Variants in PIN4 observed in about 807,000 individuals in gnomAD.
The protein encoded by PIN4 is peptidylprolyl cis/trans isomerase, NIMA-interacting 4.
A neutral mutation model predicts 8.3 loss-of-function variants in PIN4; 3 were observed. The ratio of observed to expected loss-of-function variants is 0.36; its 90% CI spans 0.16 to 0.93. The LOEUF (loss-of-function observed/expected upper bound fraction) is 0.93. Ranked by LOEUF, PIN4 falls within the 40% of genes least tolerant of loss-of-function variation. The probability of loss-of-function intolerance (pLI) is 0.44; values close to 1 mark genes in which losing one functional copy is unlikely to be tolerated. For synonymous variants in PIN4, 18 were observed against 32.5 expected, an observed-to-expected ratio of 0.55 and a Z score of 1.52; for missense variants, 75 against 100.6, an observed-to-expected ratio of 0.75 and a Z score of 1.09.
At chrX:72,214,987 AAAAC>A (rs58333692) in intron 3 of PIN4, among the ~76,000 whole-genome samples, 4 of 111,863 alleles carry the variant, frequency 3.6e-5, no homozygotes, top group South Asian at 3.7e-4. Context: ...ACTCTGACTC[AAAAC>A]AAACAAACAA....
chrX:72,184,829 A>G (rs2042690996), intron 1 of PIN4, among the ~76,000 whole-genome samples: 1 of 111,159 alleles, frequency 9.0e-6, no homozygotes, highest in African/African-American at 3.3e-5. Flanking sequence ...GACAAGCAAG[A>G]TGGAGACTCT....
intron 3 of PIN4, among the ~76,000 whole-genome samples, chrX:72,245,480 A>G (rs1340627487): frequency 8.9e-6 from 1 of 111,812 alleles, no homozygotes; most frequent in African/African-American, 3.2e-5. Flanking sequence ...AACAGTAAGA[A>G]TTTGTGTTTC....
At chrX:72,229,198 T>C (rs1267402646) in intron 3 of PIN4, among the ~76,000 whole-genome samples, 1 of 111,681 alleles carries the variant, frequency 9.0e-6, no homozygotes, top group Non-Finnish European at 1.9e-5. Flanking sequence ...AATCTCCCTG[T>C]AGGATCCTTA....
At chrX:72,245,100 A>G (rs1237811538) in intron 3 of PIN4, among the ~76,000 whole-genome samples, 1 of 94,351 alleles carries the variant, frequency 1.1e-5, no homozygotes, top group Non-Finnish European at 2.1e-5. Context: ...AAAAAAAAAA[A>G]GGAGCCGAGA....
intron 3 of PIN4, chrX:72,262,614 C>A: frequency 1.9e-6 from 1 of 513,747 alleles, no homozygotes; most frequent in Admixed American, 3.3e-5. Context: ...TGTCAAGACC[C>A]CATGCAGACA....
chrX:72,238,626 A>C (rs2147608987), intron 3 of PIN4, among the ~76,000 whole-genome samples: 1 of 112,754 alleles, frequency 8.9e-6, no homozygotes, highest in African/African-American at 3.2e-5. Flanking sequence ...CTGGAGGGTC[A>C]TTTGCCCAAA....
intron 3 of PIN4, among the ~76,000 whole-genome samples, chrX:72,244,947 G>A (rs911186304): frequency 3.8e-5 from 4 of 105,420 alleles, no homozygotes; most frequent in Admixed American, 3.1e-4. Flanking sequence ...GGTGGTGTGT[G>A]CTGTAGTCCT....
chrX:72,194,623 A>T (rs2042754041), intron 2 of PIN4, among the ~76,000 whole-genome samples: 1 of 107,100 alleles, frequency 9.3e-6, no homozygotes, highest in South Asian at 4.2e-4. Context: ...ACTCACTTGA[A>T]CTAAGGAGGG....
At chrX:72,232,883 G>A (rs961356559) in intron 3 of PIN4, among the ~76,000 whole-genome samples, 17 of 108,947 alleles carry the variant, frequency 1.6e-4, no homozygotes, top group African/African-American at 5.4e-4. Flanking sequence ...CAGGTGGATC[G>A]CTTGAGACTA....
chrX:72,243,862 C>G (rs2043058592), intron 3 of PIN4, among the ~76,000 whole-genome samples: 1 of 112,289 alleles, frequency 8.9e-6, no homozygotes. Context: ...ATACTATTAT[C>G]ATCCTCCTTT....
chrX:72,185,929 C>T (rs1004063955), intron 1 of PIN4, among the ~76,000 whole-genome samples: 1 of 112,365 alleles, frequency 8.9e-6, no homozygotes, highest in African/African-American at 3.2e-5. Context: ...GGAGTCTGCC[C>T]TCAGAAGGCA....
intron 2 of PIN4, among the ~76,000 whole-genome samples, chrX:72,193,567 A>T (rs1426623741): frequency 1.8e-5 from 2 of 111,509 alleles, no homozygotes; most frequent in African/African-American, 6.5e-5. Context: ...AAAAAATTTT[A>T]AATAGAAAAA....
intron 3 of PIN4, among the ~76,000 whole-genome samples, chrX:72,247,992 C>T (rs1232797833): frequency 2.7e-5 from 3 of 111,349 alleles, no homozygotes; most frequent in Admixed American, 9.6e-5. Context: ...GATCTTAGAA[C>T]CATGTCTTCC....
downstream of PIN4, among the ~76,000 whole-genome samples, chrX:72,202,881 C>T (rs1045402045): frequency 9.0e-6 from 1 of 111,420 alleles, no homozygotes; most frequent in Admixed American, 9.6e-5. Flanking sequence ...TGGTCTTTGT[C>T]CCTGGTTCCT....
intron 3 of PIN4, among the ~76,000 whole-genome samples, chrX:72,232,274 A>T (rs1602452016): frequency 5.4e-5 from 2 of 36,782 alleles, no homozygotes; most frequent in African/African-American, 3.9e-4. Context: ...AAGGAGTATT[A>T]AAAAAAAAAA....
In PIN4 at chrX:72,196,861, A is replaced by G. The variant is rs2042768987; in HGVS notation, c.194A>G (p.Asn65Ser). The G allele has an allele frequency of 8.3e-7, 1 of 1,204,957 alleles. No homozygotes were observed. The highest frequency in any genetic ancestry group is 1.1e-6 in the Non-Finnish European group (1 of 890,607). ...MEKLKSGMRF[N>S]EVAAQYSEDK... is the part of the protein sequence containing the mutation. Reference sequence around the variant, plus strand: ...AAGTTAAAGTCTGGGATGAGATTCAATGAAGTGGCCGCACAGTATAGTGAA... The same window carrying G: ...AAGTTAAAGTCTGGGATGAGATTCAGTGAAGTGGCCGCACAGTATAGTGAA... Residue 65 changes from asparagine (N) to serine (S), a missense_variant, in exon 3 of 4, where the codon AAT becomes AGT. Coordinates refer to ENST00000373669, the MANE Select transcript of PIN4 (RefSeq NM_006223.4).
intron 3 of PIN4, among the ~76,000 whole-genome samples, chrX:72,245,204 G>T (rs2043063683): frequency 9.2e-6 from 1 of 109,131 alleles, no homozygotes; most frequent in Admixed American, 9.9e-5. Context: ...AGGCTGGAGT[G>T]CAGTGGTGTG....
downstream of PIN4, among the ~76,000 whole-genome samples, chrX:72,199,329 A>G (rs1290470587): frequency 1.8e-5 from 2 of 111,268 alleles, no homozygotes; most frequent in African/African-American, 6.5e-5. Flanking sequence ...GAGGTCAGGA[A>G]TTTAAGAAGA....
intron 2 of PIN4, among the ~76,000 whole-genome samples, chrX:72,193,737 G>C (rs911076626): frequency 5.5e-5 from 6 of 110,020 alleles, no homozygotes; most frequent in African/African-American, 1.7e-4. Flanking sequence ...TTGGCGTGGT[G>C]ACACGCGCCT....
Sources: gnomAD v4.1 joint callset for allele counts (sites outside exome capture counted in the v4.1 genomes callset) on GRCh38, gnomAD v4.1.1 for gene constraint, MANE v1.5 for transcripts, NCBI Gene and HGNC (gene_info 2026-07-23, HGNC 2026-07-21) for gene names.